The following DNAH9 variants were observed in gnomAD, a reference collection of about 807,000 sequenced individuals.
DNAH9 encodes the protein DNAH9 variant protein.
Under a neutral mutation model 471.6 loss-of-function variants are expected in DNAH9, and 345 were observed. That is an observed-to-expected ratio of 0.73 (90% CI 0.67 to 0.80). The LOEUF (loss-of-function observed/expected upper bound fraction) is 0.80. DNAH9 is among the 30% of genes least tolerant of loss of function. The pLI is 0.00. For synonymous variants in DNAH9, 2,093 were observed against 2,123.6 expected (o/e 0.99, Z 0.40); for missense variants, 5,407 against 5,609.2 (o/e 0.96, Z 1.15).
chr17:11,659,837 A>G (rs148135573), intron 14 of DNAH9, among the ~76,000 whole-genome samples: 130 of 151,944 alleles, frequency 8.6e-4, no homozygotes, highest in Non-Finnish European at 1.7e-3. Flanking sequence ...CACCCTATGT[A>G]CTCTTAACTT....
chr17:11,875,807 T>TGACATCCCTCATGCCTC lies in DNAH9; in HGVS notation c.10478+624_10478+640dup, dbSNP rs1972453863. 3 of 152,558 alleles carry TGACATCCCTCATGCCTC rather than the reference T, an allele frequency of 2.0e-5. No homozygotes were observed. The South Asian group carries it at 6.2e-4, about 32-fold the overall frequency. The allele number at this position is 152,558 out of a possible 1,614,324, so 9.5% of individuals were successfully genotyped here. On this transcript the variant is annotated intron_variant, in intron 53 of 68. Transcript: ENST00000262442. ...CACCAGGCTTCAGTGGCTTGGGCCT[T>TGACATCCCTCATGCCTC]GACATCCCTCATGCCTCCCTTCATT...
intron 19 of DNAH9, among the ~76,000 whole-genome samples, chr17:11,684,157 T>C (rs145656705): frequency 6.6e-6 from 1 of 152,322 alleles, no homozygotes; most frequent in Admixed American, 6.5e-5. Context: ...GTGCAGACCC[T>C]GGTACATTTC....
intron 61 of DNAH9, among the ~76,000 whole-genome samples, chr17:11,909,822 T>C (rs1036903982): frequency 1.3e-5 from 2 of 152,224 alleles, no homozygotes; most frequent in East Asian, 1.9e-4. Flanking sequence ...AGGATATTCA[T>C]AAGGCTATGT....
intron 51 of DNAH9, among the ~76,000 whole-genome samples, chr17:11,870,096 C>G (rs953272319): frequency 6.6e-6 from 1 of 152,192 alleles, no homozygotes; most frequent in Non-Finnish European, 1.5e-5. Context: ...TAACTCAGGA[C>G]ATCAAGGACA....
rs180708546 is a variant in DNAH9 at position 11,672,122 on chromosome 17, C to T, written c.3353+2328C>T. Reference sequence around the variant, plus strand: ...TGATTTCCACCTTTCCTTAATAGGTCGGGATGAATCCCACCTTATGTTGCA... The same window carrying T: ...TGATTTCCACCTTTCCTTAATAGGTTGGGATGAATCCCACCTTATGTTGCA... On this transcript the variant is annotated intron_variant, in intron 17 of 68. Coordinates refer to ENST00000262442, the MANE Select transcript of DNAH9 (RefSeq NM_001372.4). Among the ~76,000 whole-genome samples, 200 of 152,282 alleles carry T rather than the reference C, an allele frequency of 1.3e-3. 1 individual carries two copies. The highest frequency in any genetic ancestry group is 4.5e-3 in the African/African-American group (185 of 41,560).
At chr17:11,889,600 G>T (rs531149193) in intron 57 of DNAH9, among the ~76,000 whole-genome samples, 1 of 152,210 alleles carries the variant, frequency 6.6e-6, no homozygotes, top group Admixed American at 6.5e-5. Flanking sequence ...GGTCTAGAGC[G>T]TTGCTCATAC....
At chr17:11,809,724 A>G (rs574318961) in intron 44 of DNAH9, among the ~76,000 whole-genome samples, 1 of 152,240 alleles carries the variant, frequency 6.6e-6, no homozygotes, top group South Asian at 2.1e-4. Context: ...AGTCTTACAT[A>G]TAAGTAAGAC....
intron 38 of DNAH9, among the ~76,000 whole-genome samples, chr17:11,769,632 A>T (rs895861490): frequency 1.3e-5 from 2 of 152,254 alleles, no homozygotes; most frequent in East Asian, 3.9e-4. Context: ...GCTACAAGCC[A>T]TGGAGAGATT....
chr17:11,925,177 C>G (rs888804093), intron 62 of DNAH9: 5 of 455,690 alleles, frequency 1.1e-5, no homozygotes, highest in Non-Finnish European at 1.8e-5. Context: ...GATGTTCCTT[C>G]TTTACCTTTT....
rs764365747 is a variant in DNAH9, at chr17:11,693,883, G to A, written c.4630G>A (p.Glu1544Lys). 6.2e-7 allele frequency: 1 copy of A among 1,614,110 alleles called. No individual in the cohort carries two copies. The highest frequency in any genetic ancestry group is 8.5e-7 in the Non-Finnish European group (1 of 1,179,994). Reference protein sequence around the residue: ...AQLPQDSKRFEGIDIDFKELA... With the variant: ...AQLPQDSKRFKGIDIDFKELA... The stretch of plus-strand genomic sequence containing the variant: ...TTATTTGCAGGATTCTAAAAGGTTT[G>A]AAGGCATCGACATTGACTTTAAAGA... Residue 1544 changes from glutamate (E) to lysine (K), a missense_variant, in exon 21 of 69, where the codon GAA (glutamate) becomes AAA (lysine). Physicochemically the swap from Glu to Lys is moderately conservative, Grantham distance 56. Coordinates refer to ENST00000262442, the MANE Select transcript of DNAH9 (RefSeq NM_001372.4).
intron 48 of DNAH9, among the ~76,000 whole-genome samples, chr17:11,827,946 T>C (rs1210640894): frequency 1.3e-5 from 2 of 152,090 alleles, no homozygotes; most frequent in African/African-American, 4.8e-5. Flanking sequence ...TGGTTCTTTT[T>C]ACTCTCCTCT....
chr17:11,937,478 G>A lies in DNAH9; in HGVS notation c.12616G>A (p.Asp4206Asn), dbSNP rs1399738808. 3.7e-6 allele frequency: 6 copies of A among 1,613,944 alleles called. No individual in the cohort carries two copies. Among genetic ancestry groups the A allele is most frequent in the Non-Finnish European group, 5.1e-6 (6 of 1,179,870 alleles). ...FRTVLELQPRDSQARDGAGAT... is the reference protein window; with the variant it reads ...FRTVLELQPRNSQARDGAGAT... ...CACTGTGCTGGAGCTGCAGCCTCGG[G>A]ACAGCCAGGCCAGAGACGGAGCGGG... Residue 4206 changes from aspartate to asparagine, a missense_variant, in exon 66 of 69, where the codon GAC (aspartate) becomes AAC (asparagine). Asp to Asn is a conservative substitution (Grantham distance 23). Transcript: ENST00000262442. This position sits in a 1 kb window ranked among gnomAD's most constrained non-coding sequence, Gnocchi z 4.1.
Position 11,680,812 on chromosome 17 carries a change from C to G in DNAH9, c.3666C>G (p.Leu1222=). ...VAPLQANEVT[L]LRQRCTAFDA... ...CACTGCAGGCAAATGAAGTGACACT[C>G]CTCCGCCAGAGGTGCACAGCCTTCG... is the stretch of plus-strand genomic sequence containing the variant. Residue 1222 remains leucine (L), a synonymous_variant, in exon 19 of 69, where the codon CTC becomes CTG. Coordinates refer to ENST00000262442, the MANE Select transcript of DNAH9 (RefSeq NM_001372.4). 5 of 1,613,964 alleles carry G rather than the reference C, an allele frequency of 3.1e-6. No individual in the cohort carries two copies. Among genetic ancestry groups the G allele is most frequent in the Non-Finnish European group, 4.2e-6 (5 of 1,179,952 alleles).
intron 62 of DNAH9, among the ~76,000 whole-genome samples, chr17:11,924,736 G>T (rs1974261407): frequency 6.9e-6 from 1 of 145,974 alleles, no homozygotes; most frequent in East Asian, 2.1e-4. Context: ...CGATTCTCCT[G>T]CCTCAGCCTC....
At position 11,694,837 on chromosome 17, in the gene DNAH9, TTTCC is replaced by T. The variant is rs1567725758; in HGVS notation, c.4872+422_4872+425del. 8.6e-4 allele frequency among the ~76,000 whole-genome samples: 2 copies of T among 2,336 alleles called. 1 individual carries two copies. The highest frequency in any genetic ancestry group is 1.8e-3 in the African/African-American group (2 of 1,118). The allele number at this position is 2,336 out of a possible 152,430, so 1.5% of individuals were successfully genotyped here. On this transcript the variant is annotated intron_variant, in intron 22 of 68. Coordinates refer to ENST00000262442, the MANE Select transcript of DNAH9 (RefSeq NM_001372.4). ...CTTTCTTTCTTTCTTTCTTTCTTTC[TTTCC>T]TTCCTTCCTTCCTTCCTTCCTTCCT... is the stretch of plus-strand genomic sequence containing the variant.
chr17:11,699,226 G>C (rs969479960), intron 22 of DNAH9, among the ~76,000 whole-genome samples: 3 of 152,136 alleles, frequency 2.0e-5, no homozygotes, highest in Non-Finnish European at 4.4e-5. Flanking sequence ...TCCAGCCTGG[G>C]CGACAGAGCC....
At chr17:11,738,644 G>A (rs1039543653) in intron 28 of DNAH9, among the ~76,000 whole-genome samples, 1 of 152,168 alleles carries the variant, frequency 6.6e-6, no homozygotes, top group Admixed American at 6.5e-5. Context: ...GCCTCCCAAA[G>A]CACTGGGATT....
At chr17:11,601,552 A>T (rs1478608783) in intron 1 of DNAH9, among the ~76,000 whole-genome samples, 1 of 152,220 alleles carries the variant, frequency 6.6e-6, no homozygotes, top group East Asian at 1.9e-4. Context: ...AACTTATTTT[A>T]AAAATAACTC....
intron 17 of DNAH9, among the ~76,000 whole-genome samples, chr17:11,673,989 T>A (rs752712469): frequency 2.6e-5 from 4 of 152,232 alleles, no homozygotes; most frequent in African/African-American, 7.2e-5. Context: ...TTTTCTGTGT[T>A]CTATTTCTTT....
Sources: allele counts gnomAD v4.1 joint callset (sites outside exome capture counted in the v4.1 genomes callset), GRCh38; gene constraint gnomAD v4.1.1; non-coding constraint Gnocchi (gnomAD v3.1); transcripts MANE v1.5; gene names NCBI Gene and HGNC (gene_info 2026-07-23, HGNC 2026-07-21).